Variants in ST18 observed in about 807,000 individuals in gnomAD.
ST18 encodes the protein ST18 C2H2C-type zinc finger transcription factor.
A neutral mutation model predicts 110.0 loss-of-function variants in ST18; 50 were observed. That is an observed-to-expected ratio of 0.45 (90% CI 0.36 to 0.58). The LOEUF (loss-of-function observed/expected upper bound fraction) is 0.58, where lower values mean the gene tolerates loss of function less well. Ranked by LOEUF, ST18 falls within the 20% of genes least tolerant of loss-of-function variation. The pLI is 0.00. For missense variants in ST18, 1,306 were observed against 1,280.1 expected, an observed-to-expected ratio of 1.02 and a Z score of -0.31; for synonymous variants, 461 against 452.4, an observed-to-expected ratio of 1.02 and a Z score of -0.24.
At chr8:52,271,007 T>C (rs2095056909) in intron 2 of ST18, among the ~76,000 whole-genome samples, 1 of 151,762 alleles carries the variant, frequency 6.6e-6, no homozygotes, top group African/African-American at 2.4e-5. Flanking sequence ...CACGCCATTC[T>C]CCTGCCTCAG....
Position 52,113,035 on chromosome 8 carries a change from TC to T in ST18, c.*162del. Reference sequence around the variant, plus strand: ...AATCCAAGAAGTCTATCATAGTTTTTCTTTCCTTTTTATATCAGCTGGGGAA... The same window carrying T: ...AATCCAAGAAGTCTATCATAGTTTTTTTTCCTTTTTATATCAGCTGGGGAA... On this transcript the variant is annotated 3_prime_UTR_variant, in exon 26 of 26. Transcript: ENST00000689386. 1 of 671,258 alleles carries T rather than the reference TC, an allele frequency of 1.5e-6. No homozygotes were observed. Among genetic ancestry groups the T allele is most frequent in the East Asian group, 3.2e-5 (1 of 31,592 alleles). 41.6% of individuals were successfully genotyped at this position (671,258 alleles called of 1,614,324 possible). A position where few individuals can be genotyped will look rare whatever the true frequency, so the allele number is the denominator to read the frequency against.
intron 8 of ST18, among the ~76,000 whole-genome samples, chr8:52,188,688 A>G (rs74961064): frequency 0.04 from 6,161 of 152,312 alleles, 162 homozygotes; most frequent in East Asian, 0.083. Flanking sequence ...GATTATGGCA[A>G]TAAACCAGAT....
chr8:52,323,750 G>C (rs2139949559), intron 2 of ST18, among the ~76,000 whole-genome samples: 1 of 152,306 alleles, frequency 6.6e-6, no homozygotes, highest in African/African-American at 2.4e-5. Flanking sequence ...GCTGGGTGGG[G>C]TGGCAGTGTA....
chr8:52,137,224 A>T (rs2052800908), intron 18 of ST18, among the ~76,000 whole-genome samples, 197 bp downstream of exon 18: 1 of 152,222 alleles, frequency 6.6e-6, no homozygotes, highest in Non-Finnish European at 1.5e-5. Flanking sequence ...AACCTGGACT[A>T]CAGGATCAGA....
intron 2 of ST18, among the ~76,000 whole-genome samples, chr8:52,336,533 T>C (rs1440747208): frequency 6.6e-6 from 1 of 152,086 alleles, no homozygotes; most frequent in Non-Finnish European, 1.5e-5. Context: ...TGCTCTCCCA[T>C]AGTCGGGAAG....
intron 2 of ST18, among the ~76,000 whole-genome samples, chr8:52,400,379 T>C (rs1167611223): frequency 1.3e-5 from 2 of 152,136 alleles, no homozygotes; most frequent in East Asian, 1.9e-4. Flanking sequence ...TGCCTTTTGA[T>C]TGGAAAGTTT....
chr8:52,176,162 C>T (rs2133986858), intron 9 of ST18, among the ~76,000 whole-genome samples: 1 of 152,054 alleles, frequency 6.6e-6, no homozygotes. Context: ...GCTGGGATTA[C>T]AAGCAAACAC....
rs774149113 is a variant in ST18 at position 52,136,679 on chromosome 8, A to AAACAC, written c.2232-26_2232-22dup. 1.6e-5 allele frequency: 25 copies of AAACAC among 1,589,378 alleles called. 1 individual carries two copies. In the South Asian group the frequency reaches 1.9e-4, roughly 12 times the overall value. ...AAACACTAGAGAGGGATGAGGAAAAAAACACAACACAACACTGACATATAC... is the reference window on the plus strand; with the variant it reads ...AAACACTAGAGAGGGATGAGGAAAAAAACACAACACAACACAACACTGACATATAC... On this transcript the variant is annotated intron_variant, in intron 18 of 25. Coordinates refer to ENST00000689386, the MANE Select transcript of ST18 (RefSeq NM_001352837.2).
chr8:52,149,053 T>G (rs1341949329), intron 16 of ST18, among the ~76,000 whole-genome samples: 2 of 152,190 alleles, frequency 1.3e-5, no homozygotes, highest in African/African-American at 4.8e-5. Flanking sequence ...TGTCAGTTCT[T>G]TCGAATGACA....
chr8:52,242,220 G>A (rs1172967723), intron 2 of ST18, among the ~76,000 whole-genome samples: 3 of 152,216 alleles, frequency 2.0e-5, no homozygotes, highest in African/African-American at 4.8e-5. Flanking sequence ...ATTACAGTGT[G>A]TCTAAACATA....
chr8:52,211,375 CTAATTATTATTATTATTAT>C (rs1323313686), intron 8 of ST18, among the ~76,000 whole-genome samples: 2 of 127,900 alleles, frequency 1.6e-5, no homozygotes, highest in Non-Finnish European at 3.3e-5. Flanking sequence ...ATGGAATCAT[CTAATTATTATTATTATTAT>C]TATTATTATT....
At chr8:52,170,410 C>T (rs539930340) in intron 10 of ST18, among the ~76,000 whole-genome samples, 1 of 151,430 alleles carries the variant, frequency 6.6e-6, no homozygotes, top group South Asian at 2.1e-4. Flanking sequence ...CGACACGGCG[C>T]CACTGCACTC....
chr8:52,152,413 C>G (rs1402153190), intron 15 of ST18, among the ~76,000 whole-genome samples: 1 of 152,148 alleles, frequency 6.6e-6, no homozygotes, highest in Non-Finnish European at 1.5e-5. Flanking sequence ...TTCTAATATT[C>G]TGATTTCTTC....
At chr8:52,333,715 T>C (rs1279251668) in intron 2 of ST18, among the ~76,000 whole-genome samples, 1 of 152,246 alleles carries the variant, frequency 6.6e-6, no homozygotes, top group Admixed American at 6.5e-5. Flanking sequence ...AACTTTGAAA[T>C]TGTGCCTACT....
intron 2 of ST18, among the ~76,000 whole-genome samples, chr8:52,269,797 G>C (rs571342921): frequency 6.6e-6 from 1 of 152,176 alleles, no homozygotes; most frequent in Admixed American, 6.5e-5. Context: ...ATAGAAGTTG[G>C]CATGGGCCCA....
chr8:52,172,467 G>A lies in ST18; in HGVS notation c.394C>T (p.His132Tyr), dbSNP rs570175977. The A allele has an allele frequency of 1.1e-4, 181 of 1,613,478 alleles. No homozygotes were observed. The highest frequency in any genetic ancestry group is 1.5e-4 in the Non-Finnish European group (176 of 1,180,012). Residue 132 changes from histidine (H) to tyrosine (Y), a missense_variant, in exon 10 of 26, where the codon CAC becomes TAC. Coordinates refer to ENST00000689386, the MANE Select transcript of ST18 (RefSeq NM_001352837.2). The stretch of plus-strand genomic sequence containing the variant: ...ACATTTTTTTCAAATTTCCCCAAGT[G>A]CATTAAAGACTTGACCATGAGCTCT... ...YQELMVKSLMHLGKFEKNVSV... is the reference protein window; with the variant it reads ...YQELMVKSLMYLGKFEKNVSV...
intron 2 of ST18, among the ~76,000 whole-genome samples, chr8:52,273,172 G>A (rs1325160396): frequency 6.6e-6 from 1 of 152,202 alleles, no homozygotes; most frequent in African/African-American, 2.4e-5. Flanking sequence ...CCATATCTAT[G>A]TTAAGCAGCA....
At chr8:52,324,690 A>G (rs539150064) in intron 2 of ST18, among the ~76,000 whole-genome samples, 11 of 152,332 alleles carry the variant, frequency 7.2e-5, no homozygotes, top group Admixed American at 3.9e-4. Context: ...TATAAGGTAC[A>G]TATTATCAAT....
At position 52,112,938 on chromosome 8, in the gene ST18, AGAG is replaced by A; in HGVS notation, c.*257_*259del. ...TTACATATACTTTACAAAAAAAAAA[AGAG>A]TACAATGAAGAAATAAAAGAAAAAC... On this transcript the variant is annotated 3_prime_UTR_variant, in exon 26 of 26. Coordinates refer to ENST00000689386, the MANE Select transcript of ST18 (RefSeq NM_001352837.2). 3.6e-6 allele frequency: 1 copy of A among 281,260 alleles called. No homozygotes were observed. The allele number at this position is 281,260 out of a possible 1,614,324, so 17.4% of individuals were successfully genotyped here.
Sources: gnomAD v4.1 joint callset for allele counts (sites outside exome capture counted in the v4.1 genomes callset) on GRCh38, gnomAD v4.1.1 for gene constraint, MANE v1.5 for transcripts, NCBI Gene and HGNC (gene_info 2026-07-23, HGNC 2026-07-21) for gene names.